Variants in USP9X observed in about 807,000 individuals in gnomAD.
USP9X encodes ubiquitin carboxyl-terminal hydrolase 9X.
Under a neutral mutation model 190.3 loss-of-function variants are expected in USP9X, and 7 were observed. The observed-to-expected ratio is 0.04, with a 90% CI of 0.02 to 0.07. USP9X has a LOEUF of 0.07. Among genes scored for constraint, USP9X ranks in the 10% least tolerant of loss-of-function variants. The probability of loss-of-function intolerance (pLI) is 1.00; values close to 1 mark genes in which losing one functional copy is unlikely to be tolerated. For synonymous variants in USP9X, 645 were observed against 659.5 expected, an observed-to-expected ratio of 0.98 and a Z score of 0.34; for missense variants, 1,010 against 1,916.9, an observed-to-expected ratio of 0.53 and a Z score of 8.83.
chrX:41,095,186 C>A (rs2061980949), intron 1 of USP9X, among the ~76,000 whole-genome samples: 1 of 111,694 alleles, frequency 9.0e-6, no homozygotes, highest in Admixed American at 9.5e-5. Context: ...GTATGGTGAA[C>A]CAGACAGTTA....
chrX:41,125,718 T>TCTCTCTCG lies in USP9X; in HGVS notation c.96+1995_96+1996insTCTCTCGC, dbSNP rs1176200100. The stretch of plus-strand genomic sequence containing the variant: ...CTCTCTCTCTCTCTCTCTCTCTCTC[T>TCTCTCTCG]CGCGCACGCGCGCGCGCTCTCTCTC... On this transcript the variant is annotated intron_variant, in intron 2 of 44. Transcript: ENST00000378308. Among the ~76,000 whole-genome samples the TCTCTCTCG allele has an allele frequency of 3.5e-4, 35 of 99,209 alleles. 1 individual carries two copies. Among genetic ancestry groups the TCTCTCTCG allele is most frequent in the Middle Eastern group, 5.0e-3 (1 of 202 alleles). The allele number at this position is 99,209 out of a possible 115,157, so 86.2% of individuals were successfully genotyped here.
At chrX:41,224,089 C>G (rs1294412737) in intron 39 of USP9X, among the ~76,000 whole-genome samples, 1 of 109,630 alleles carries the variant, frequency 9.1e-6, no homozygotes, top group African/African-American at 3.3e-5. Flanking sequence ...CACCTGTTGT[C>G]CCAGCTACTC....
At chrX:41,222,360 TG>T (rs2147260102) in intron 38 of USP9X, among the ~76,000 whole-genome samples, 1 of 105,916 alleles carries the variant, frequency 9.4e-6, no homozygotes, top group South Asian at 4.5e-4. Context: ...GAAGTGGTTA[TG>T]GTTTGAGAAC....
rs776448784 is a variant in USP9X, at chrX:41,150,302, G to A, written c.1627-619G>A. 3.6e-5 allele frequency among the ~76,000 whole-genome samples: 4 copies of A among 111,726 alleles called. No homozygotes were observed. In the Admixed American group the frequency reaches 3.8e-4, roughly 11 times the overall value. ...GGAAGAGGTGAAGTAACTGAGGTTT[G>A]AGAAGTAAAATACCATAATTGAAAT... is the stretch of plus-strand genomic sequence containing the variant. On this transcript the variant is annotated intron_variant, in intron 12 of 44. Coordinates refer to ENST00000378308, the MANE Select transcript of USP9X (RefSeq NM_001039591.3).
chrX:41,092,170 G>C, intron 1 of USP9X, among the ~76,000 whole-genome samples: 1 of 111,545 alleles, frequency 9.0e-6, no homozygotes, highest in Non-Finnish European at 1.9e-5. Flanking sequence ...GCTGGTGATC[G>C]TGCATATTAG....
intron 38 of USP9X, 78 bp downstream of exon 38, chrX:41,219,309 A>G: frequency 1.0e-6 from 1 of 996,346 alleles, no homozygotes; most frequent in South Asian, 2.4e-5. Context: ...AAGTGATGAA[A>G]TATAATCTGA....
chrX:41,210,404 CTGTTGTT>C (rs2063147743), intron 32 of USP9X, 98 bp from the exon 33 acceptor site: 1 of 833,094 alleles, frequency 1.2e-6, no homozygotes, highest in Admixed American at 3.1e-5. Context: ...GTTTTATATA[CTGTTGTT>C]TGTGGTCTTG....
chrX:41,087,919 A>T (rs11266302), intron 1 of USP9X, among the ~76,000 whole-genome samples: 15,061 of 111,798 alleles, frequency 0.13, 921 homozygotes, highest in East Asian at 0.26. Context: ...AGGAAGGAAC[A>T]TTGAAGGGCA....
At chrX:41,165,770 T>C in intron 15 of USP9X, 102 bp from the exon 16 acceptor site, 1 of 644,213 alleles carries the variant, frequency 1.6e-6, no homozygotes, top group Non-Finnish European at 2.3e-6. Context: ...TTATCTATAG[T>C]TAAAATATAA....
At chrX:41,115,236 G>A (rs371575570) in intron 1 of USP9X, among the ~76,000 whole-genome samples, 26 of 63,561 alleles carry the variant, frequency 4.1e-4, no homozygotes, top group South Asian at 8.1e-4. Context: ...AAAAAAAAAA[G>A]AAAAAGAAAA....
At chrX:41,153,262 C>T (rs2062546169) in intron 14 of USP9X, among the ~76,000 whole-genome samples, 181 bp downstream of exon 14, 1 of 111,751 alleles carries the variant, frequency 8.9e-6, no homozygotes, top group Non-Finnish European at 1.9e-5. Flanking sequence ...CTTGCCTTCC[C>T]CCATTCTCTT....
At position 41,198,688 on chromosome X, in the gene USP9X, G is replaced by A; in HGVS notation, c.4541G>A (p.Arg1514Lys). 2.5e-6 allele frequency: 3 copies of A among 1,211,558 alleles called. No homozygotes were observed. In the African/African-American group the frequency reaches 5.2e-5, roughly 21 times the overall value. ...GTAGCATTAGCTGTTGGCTGTGTGA[G>A]GAATCTCAAACAAATAGTAGATTCT... The part of the protein sequence containing the change: ...LLVALAVGCV[R>K]NLKQIVDSLT... Residue 1514 changes from arginine (R) to lysine (K), a missense_variant, in exon 30 of 45, where the codon AGG (arginine) becomes AAG (lysine). Arg to Lys is a conservative substitution (Grantham distance 26). Around this residue, in one of 11 missense-constraint regions of USP9X, gnomAD observed 120 missense variants for 342.7 expected, o/e 0.35. Coordinates refer to ENST00000378308, the MANE Select transcript of USP9X (RefSeq NM_001039591.3).
rs758055868 is a variant in USP9X at position 41,178,084 on chromosome X, C to CTTT, written c.3149-5886_3149-5884dup. On this transcript the variant is annotated intron_variant, in intron 21 of 44. Coordinates refer to ENST00000378308, the MANE Select transcript of USP9X (RefSeq NM_001039591.3). ...AGAAATCAAAATCCGAGGTTTAAATCTTTTTTTTTTTTTTTTTTTTTTTTT... is the reference window on the plus strand; with the variant it reads ...AGAAATCAAAATCCGAGGTTTAAATCTTTTTTTTTTTTTTTTTTTTTTTTTTTT... Among the ~76,000 whole-genome samples the CTTT allele has an allele frequency of 2.5e-3, 85 of 34,318 alleles. 9 individuals carry two copies. The highest frequency in any genetic ancestry group is 7.9e-3 in the African/African-American group (61 of 7,761). The allele number at this position is 34,318 out of a possible 115,157, so 29.8% of individuals were successfully genotyped here.
At chrX:41,093,585 C>T (rs746680893) in intron 1 of USP9X, among the ~76,000 whole-genome samples, 2 of 111,316 alleles carry the variant, frequency 1.8e-5, no homozygotes, top group African/African-American at 6.5e-5. Context: ...TCAGGTGATC[C>T]GCCTGCCTCG....
chrX:41,172,010 A>G (rs953589026), intron 21 of USP9X, 52 bp downstream of exon 21: 5 of 1,184,226 alleles, frequency 4.2e-6, no homozygotes, highest in Admixed American at 2.3e-5. Flanking sequence ...AAAGGAGTAT[A>G]TTAGCAAATT....
chrX:41,150,614 A>G (rs1407329477), intron 12 of USP9X, among the ~76,000 whole-genome samples: 1 of 111,567 alleles, frequency 9.0e-6, no homozygotes, highest in African/African-American at 3.3e-5. Context: ...GCAAACTTGG[A>G]AAATGAAACT....
chrX:41,205,597 G>T, intron 32 of USP9X, 104 bp downstream of exon 32: 1 of 743,207 alleles, frequency 1.3e-6, no homozygotes, highest in East Asian at 3.8e-5. Context: ...CTTTTTTTAA[G>T]CACTGGTAAT....
chrX:41,204,960 A>G (rs760982801), intron 31 of USP9X: 15 of 131,821 alleles, frequency 1.1e-4, no homozygotes, highest in Non-Finnish European at 2.1e-4. Flanking sequence ...TCACACATAA[A>G]GAAACTTGAA....
chrX:41,206,045 C>T (rs1286452618), intron 32 of USP9X, among the ~76,000 whole-genome samples: 1 of 109,153 alleles, frequency 9.2e-6, no homozygotes, highest in Non-Finnish European at 1.9e-5. Context: ...CACCCACCAC[C>T]ACGCCTAGCT....
Sources: gnomAD v4.1 joint callset for allele counts (sites outside exome capture counted in the v4.1 genomes callset) on GRCh38, gnomAD v4.1.1 for gene constraint, gnomAD v4.1.1 regional missense constraint, MANE v1.5 for transcripts, NCBI Gene and HGNC (gene_info 2026-07-23, HGNC 2026-07-21) for gene names.